Variants in LURAP1L observed in about 807,000 individuals in gnomAD.
The protein encoded by LURAP1L is leucine rich adaptor protein 1-like.
A neutral mutation model predicts 13.8 loss-of-function variants in LURAP1L; 12 were observed. The observed-to-expected ratio is 0.87, with a 90% confidence interval of 0.56 to 1.41. The LOEUF is 1.41. LURAP1L is among the 40% of genes most tolerant of loss of function. The probability of loss-of-function intolerance (pLI) is 0.00; values close to 1 mark genes in which losing one functional copy is unlikely to be tolerated. For synonymous variants in LURAP1L, 139 were observed against 119.2 expected (o/e 1.17, Z -1.08); for missense variants, 375 against 292.9 (o/e 1.28, Z -2.04).
At position 12,821,427 on chromosome 9, in the gene LURAP1L, G is replaced by C. The variant is rs758253595; in HGVS notation, c.354G>C (p.Leu118Phe). The change falls in exon 2 of 2, where the codon TTG (leucine) becomes TTC (phenylalanine). Residue 118 changes from leucine (L) to phenylalanine (F), a missense_variant. By Grantham distance (22) the Leu-to-Phe change is conservative. Transcript: ENST00000319264. ...RATDVRLMRQ[L>F]LVINESIESI... ...CAGACGTCAGGCTCATGCGCCAGTT[G>C]CTTGTAATCAATGAGAGCATCGAGT... The C allele has an allele frequency of 6.2e-7, 1 of 1,614,146 alleles. No homozygotes were observed. Among genetic ancestry groups the C allele is most frequent in the South Asian group, 1.1e-5 (1 of 91,076 alleles).
At chr9:12,806,609 T>A (rs1819660336) in intron 1 of LURAP1L, among the ~76,000 whole-genome samples, 2 of 152,320 alleles carry the variant, frequency 1.3e-5, no homozygotes, top group South Asian at 4.1e-4. Flanking sequence ...AAATGTTGGA[T>A]AATTGTCTAA....
intron 1 of LURAP1L, among the ~76,000 whole-genome samples, chr9:12,785,324 G>A (rs144562645): frequency 0.012 from 1,789 of 152,140 alleles, 33 homozygotes; most frequent in African/African-American, 0.041. Context: ...GTCTGGGGCT[G>A]GGGGAGGGGG....
At chr9:12,788,677 A>G (rs1266075679) in intron 1 of LURAP1L, among the ~76,000 whole-genome samples, 9 of 152,104 alleles carry the variant, frequency 5.9e-5, no homozygotes, top group Admixed American at 5.9e-4. Flanking sequence ...TTATGGATGT[A>G]TAAAGCATAG....
chr9:12,807,007 C>T (rs989231355), intron 1 of LURAP1L, among the ~76,000 whole-genome samples: 42 of 124,658 alleles, frequency 3.4e-4, no homozygotes, highest in African/African-American at 1.3e-3. Flanking sequence ...GGCGACAGAG[C>T]CAGACTCCGT....
intron 1 of LURAP1L, among the ~76,000 whole-genome samples, chr9:12,814,107 G>A (rs952044070): frequency 6.6e-6 from 1 of 152,124 alleles, no homozygotes; most frequent in East Asian, 1.9e-4. Flanking sequence ...GTGTGTGTGT[G>A]CATGTTTATT....
At chr9:12,785,353 G>A (rs942910797) in intron 1 of LURAP1L, among the ~76,000 whole-genome samples, 32 of 152,026 alleles carry the variant, frequency 2.1e-4, no homozygotes, top group African/African-American at 5.6e-4. Flanking sequence ...GCACTCCCTC[G>A]GCTGGCCCAG....
rs151190593 is a variant in LURAP1L, at chr9:12,806,981, A to G, written c.313-14405A>G. On this transcript the variant is annotated intron_variant, in intron 1 of 1. Coordinates refer to ENST00000319264, the MANE Select transcript of LURAP1L (RefSeq NM_203403.2). The stretch of plus-strand genomic sequence containing the variant: ...AAAAATGAGTCTAAACCATCGCGCC[A>G]CTGCACTCCAGCCTGGGCGACAGAG... Among the ~76,000 whole-genome samples the G allele has an allele frequency of 5.1e-3, 682 of 133,138 alleles. 6 individuals are homozygous for G. Among genetic ancestry groups the G allele is most frequent in the African/African-American group, 0.018 (635 of 34,598 alleles). 87.3% of individuals were successfully genotyped at this position (133,138 alleles called of 152,430 possible).
rs35187096 is a variant in LURAP1L, at chr9:12,788,148, GAAGAAAGAAAGA to G, written c.312+12156_312+12167del. 3.8e-3 allele frequency among the ~76,000 whole-genome samples: 446 copies of G among 117,424 alleles called. 3 individuals carry two copies. The highest frequency in any genetic ancestry group is 0.014 in the South Asian group (47 of 3,248). 77.0% of individuals were successfully genotyped at this position (117,424 alleles called of 152,430 possible). On this transcript the variant is annotated intron_variant, in intron 1 of 1. Coordinates refer to ENST00000319264, the MANE Select transcript of LURAP1L (RefSeq NM_203403.2). ...AAGGAAGGAAGGAAAGAAAGAGAAA[GAAGAAAGAAAGA>G]AAGAAAGAAAGAAAGAAAGAAAGAA...
intron 1 of LURAP1L, among the ~76,000 whole-genome samples, chr9:12,794,149 TC>T (rs1426928984): frequency 6.6e-6 from 1 of 152,006 alleles, no homozygotes; most frequent in Non-Finnish European, 1.5e-5. Context: ...AAGCCAGCTT[TC>T]CCCCTTCCTA....
intron 1 of LURAP1L, among the ~76,000 whole-genome samples, chr9:12,801,220 G>A (rs969092931): frequency 3.3e-5 from 5 of 151,918 alleles, no homozygotes; most frequent in Admixed American, 3.3e-4. Context: ...TCATCCAAGA[G>A]CATCCAACCT....
intron 1 of LURAP1L, among the ~76,000 whole-genome samples, chr9:12,788,179 GAAAGAAAGAA>G (rs1819387028): frequency 2.0e-5 from 3 of 147,612 alleles, no homozygotes; most frequent in South Asian, 4.3e-4. Context: ...AAGAAAGAAA[GAAAGAAAGAA>G]AGAAAAGAAA....
intron 1 of LURAP1L, among the ~76,000 whole-genome samples, chr9:12,778,079 C>T (rs1459679142): frequency 2.0e-5 from 3 of 152,102 alleles, no homozygotes; most frequent in African/African-American, 7.2e-5. Flanking sequence ...GATAATTTGT[C>T]GCATTTGTTG....
chr9:12,801,864 T>A (rs1819590351), intron 1 of LURAP1L, among the ~76,000 whole-genome samples: 2 of 152,212 alleles, frequency 1.3e-5, no homozygotes, highest in Admixed American at 6.5e-5. Flanking sequence ...CCCTCTGAGT[T>A]TTTCTGGGTC....
chr9:12,808,232 T>A (rs1360863349), intron 1 of LURAP1L, among the ~76,000 whole-genome samples: 1 of 152,138 alleles, frequency 6.6e-6, no homozygotes. Context: ...AAGAACTTTT[T>A]AAAATATTAC....
intron 1 of LURAP1L, among the ~76,000 whole-genome samples, chr9:12,789,388 C>T (rs939129551): frequency 6.6e-6 from 1 of 152,128 alleles, no homozygotes; most frequent in African/African-American, 2.4e-5. Flanking sequence ...TCTACCCTTT[C>T]TCTTTCTTCC....
chr9:12,782,941 G>T (rs551117266), intron 1 of LURAP1L, among the ~76,000 whole-genome samples: 31 of 152,058 alleles, frequency 2.0e-4, no homozygotes, highest in African/African-American at 6.5e-4. Context: ...TACTTCTTTA[G>T]TTAAATCCTA....
chr9:12,789,437 A>G (rs1053567474), intron 1 of LURAP1L, among the ~76,000 whole-genome samples: 2 of 152,164 alleles, frequency 1.3e-5, no homozygotes, highest in Admixed American at 1.3e-4. Context: ...GACAATATAC[A>G]AATAACTTGT....
At chr9:12,805,371 T>G (rs1819642222) in intron 1 of LURAP1L, among the ~76,000 whole-genome samples, 1 of 152,198 alleles carries the variant, frequency 6.6e-6, no homozygotes, top group Non-Finnish European at 1.5e-5. Context: ...CTTCATATTC[T>G]TATTATGATA....
chr9:12,783,888 C>G (rs952983671), intron 1 of LURAP1L, among the ~76,000 whole-genome samples: 2 of 146,850 alleles, frequency 1.4e-5, no homozygotes, highest in Non-Finnish European at 3.0e-5. Context: ...TATTTTGTCT[C>G]CCTCACTGTA....
Sources: gnomAD v4.1 joint callset for allele counts (sites outside exome capture counted in the v4.1 genomes callset) on GRCh38, gnomAD v4.1.1 for gene constraint, MANE v1.5 for transcripts, NCBI Gene and HGNC (gene_info 2026-07-23, HGNC 2026-07-21) for gene names.